MRPL32: variants seen among roughly 807,000 people sequenced by gnomAD.
MRPL32 encodes the protein large ribosomal subunit protein bL32m.
A neutral mutation model predicts 21.7 loss-of-function variants in MRPL32; 14 were observed. That is an observed-to-expected ratio of 0.64 (90% CI 0.43 to 1.01). The LOEUF (loss-of-function observed/expected upper bound fraction) is 1.01. Ranked by LOEUF, MRPL32 falls within the 50% of genes least tolerant of loss-of-function variation. MRPL32 has a pLI of 0.00. For missense variants in MRPL32, 211 were observed against 235.9 expected (o/e 0.89, Z 0.69); for synonymous variants, 83 against 87.7 (o/e 0.95, Z 0.30).
At chr7:42,935,316 C>T (rs1786407522) in intron 2 of MRPL32, 180 bp downstream of exon 2, 1 of 514,044 alleles carries the variant, frequency 1.9e-6, no homozygotes, top group East Asian at 3.3e-5. Context: ...AGCCTGCTGT[C>T]CTCTAGCCTG....
chr7:42,935,191 C>T (rs1786406079), intron 2 of MRPL32, 55 bp downstream of exon 2: 4 of 1,441,080 alleles, frequency 2.8e-6, no homozygotes, highest in South Asian at 2.5e-5. Context: ...ATTGAATAAG[C>T]TCATGGTAGA....
At position 42,937,539 on chromosome 7, in the gene MRPL32, G is replaced by A. The variant is rs764943989; in HGVS notation, c.530G>A (p.Arg177Gln). The change falls in exon 3 of 3, where the codon CGA becomes CAA. Residue 177 changes from arginine to glutamine, a missense_variant. By Grantham distance (43) the Arg-to-Gln change is conservative. Around this residue, in one of 2 missense-constraint regions of MRPL32, gnomAD observed 130 missense variants for 180.1 expected, o/e 0.72. Coordinates refer to ENST00000223324, the MANE Select transcript of MRPL32 (RefSeq NM_031903.3). ...EQDQGKRIIE[R>Q]DRKRPSWFTQ... is the part of the protein sequence containing the mutation. ...GATCAGGGCAAGAGGATCATTGAAC[G>A]AGACAGAAAGCGACCATCCTGGTTC... is the stretch of plus-strand genomic sequence containing the variant. 12 of 1,613,072 alleles carry A rather than the reference G, an allele frequency of 7.4e-6. No homozygotes were observed. The highest frequency in any genetic ancestry group is 3.3e-5 in the South Asian group (3 of 90,900).
At chr7:42,932,657 A>G in intron 1 of MRPL32, 141 bp downstream of exon 1, 1 of 855,716 alleles carries the variant, frequency 1.2e-6, no homozygotes, top group East Asian at 3.0e-5. Flanking sequence ...TGACATTCCC[A>G]TATTAGCGAG....
chr7:42,937,796 G>A lies in MRPL32; in HGVS notation c.*220G>A. The A allele has an allele frequency of 8.0e-6, 3 of 375,886 alleles. No individual in the cohort carries two copies. Among genetic ancestry groups the A allele is most frequent in the Non-Finnish European group, 1.4e-5 (3 of 213,754 alleles). 23.3% of individuals were successfully genotyped at this position (375,886 alleles called of 1,614,324 possible). A position where few individuals can be genotyped will look rare whatever the true frequency, so the allele number is the denominator to read the frequency against. ...TGGATTATGTTTCTATTATATACAA[G>A]GTTTTAAGTAAACATAAAATTTCCA... On this transcript the variant is annotated 3_prime_UTR_variant, in exon 3 of 3. Coordinates refer to ENST00000223324, the MANE Select transcript of MRPL32 (RefSeq NM_031903.3).
rs1324320902 is a variant in MRPL32, at chr7:42,937,781, T to G, written c.*205T>G. 1 of 454,360 alleles carries G rather than the reference T, an allele frequency of 2.2e-6. No homozygotes were observed. Among genetic ancestry groups the G allele is most frequent in the East Asian group, 3.4e-5 (1 of 29,324 alleles). 28.1% of individuals were successfully genotyped at this position (454,360 alleles called of 1,614,324 possible). A position where few individuals can be genotyped will look rare whatever the true frequency, so the allele number is the denominator to read the frequency against. On this transcript the variant is annotated 3_prime_UTR_variant, in exon 3 of 3. Transcript: ENST00000223324. ...TATCCAAAGGCTCAATGGATTATGT[T>G]TCTATTATATACAAGGTTTTAAGTA... is the stretch of plus-strand genomic sequence containing the variant.
intron 2 of MRPL32, chr7:42,935,720 G>A (rs1786412621): frequency 6.6e-6 from 1 of 152,040 alleles, no homozygotes; most frequent in Admixed American, 6.6e-5. Context: ...TTCATTATTA[G>A]GATGAAAAAA....
At chr7:42,935,202 T>C (rs1786406153) in intron 2 of MRPL32, 66 bp downstream of exon 2, 1 of 1,342,928 alleles carries the variant, frequency 7.4e-7, no homozygotes, top group Non-Finnish European at 1.0e-6. Context: ...TCATGGTAGA[T>C]TCCTATAGCC....
intron 1 of MRPL32, 105 bp from the exon 2 acceptor site, chr7:42,934,850 G>T (rs977678341): frequency 1.5e-5 from 11 of 730,184 alleles, no homozygotes; most frequent in South Asian, 3.4e-5. Context: ...TATAGTTTTT[G>T]TGTGTGTGTA....
chr7:42,936,599 A>G (rs1000596877), intron 2 of MRPL32: 4 of 151,342 alleles, frequency 2.6e-5, no homozygotes, highest in African/African-American at 9.7e-5. Context: ...TCAAACCTAC[A>G]TCTAGAATAA....
At position 42,932,379 on chromosome 7, in the gene MRPL32, C is replaced by A; in HGVS notation, c.-8C>A. 1 of 1,605,316 alleles carries A rather than the reference C, an allele frequency of 6.2e-7. No homozygotes were observed. Among genetic ancestry groups the A allele is most frequent in the Non-Finnish European group, 8.5e-7 (1 of 1,174,392 alleles). Reference sequence around the variant, plus strand: ...GGGCGGGACCGGGGCGGTCTTCCAGCAGGGAAAATGGCGCTGGCCATGCTG... The same window carrying A: ...GGGCGGGACCGGGGCGGTCTTCCAGAAGGGAAAATGGCGCTGGCCATGCTG... On this transcript the variant is annotated 5_prime_UTR_variant, in exon 1 of 3. Coordinates refer to ENST00000223324, the MANE Select transcript of MRPL32 (RefSeq NM_031903.3).
rs371676591 is a variant in MRPL32, at chr7:42,937,330, A to G, written c.321A>G (p.Ile107Met). 2.5e-6 allele frequency: 4 copies of G among 1,614,078 alleles called. No individual in the cohort carries two copies. In the African/African-American group the frequency reaches 5.3e-5, roughly 22 times the overall value. The change falls in exon 3 of 3, where the codon ATA becomes ATG. Residue 107 changes from isoleucine to methionine, a missense_variant. By Grantham distance (10) the Ile-to-Met change is conservative (BLOSUM62 1). This residue lies in a region of MRPL32 where 130 missense variants were observed against 180.1 expected (regional missense o/e 0.72). Transcript: ENST00000223324. ...TGTTTATTGTTTTAAAGAACAACATAGACGTTTGTCCTGAATGTGGTCACC... is the reference window on the plus strand; with the variant it reads ...TGTTTATTGTTTTAAAGAACAACATGGACGTTTGTCCTGAATGTGGTCACC... ...PQKLIKVKNN[I>M]DVCPECGHLK...
At chr7:42,933,870 T>A (rs147523785) in intron 1 of MRPL32, among the ~76,000 whole-genome samples, 179 of 152,364 alleles carry the variant, frequency 1.2e-3, no homozygotes, top group African/African-American at 4.2e-3. Context: ...CCTGTGTTGT[T>A]AATCACCGGG....
At position 42,937,432 on chromosome 7, in the gene MRPL32, A is replaced by T; in HGVS notation, c.423A>T (p.Ile141=). The change falls in exon 3 of 3, where the codon ATA becomes ATT. Residue 141 remains isoleucine, a synonymous_variant. Transcript: ENST00000223324. The part of the protein sequence containing the change: ...CKETAEIRRQ[I]GKQEGGPFKA... The stretch of plus-strand genomic sequence containing the variant: ...AGACTGCAGAAATCAGACGACAGAT[A>T]GGGAAGCAAGAAGGGGGCCCTTTTA... 6.2e-7 allele frequency: 1 copy of T among 1,614,210 alleles called. No homozygotes were observed. The highest frequency in any genetic ancestry group is 8.5e-7 in the Non-Finnish European group (1 of 1,180,036).
At chr7:42,932,701 CA>C (rs148378814) in intron 1 of MRPL32, among the ~76,000 whole-genome samples, 185 bp downstream of exon 1, 20,461 of 134,282 alleles carry the variant, frequency 0.15, 1,494 homozygotes, top group African/African-American at 0.19. Flanking sequence ...CCCTCCACCG[CA>C]AAAAAAAAAA....
intron 2 of MRPL32, 187 bp from the exon 3 acceptor site, chr7:42,937,135 A>G: frequency 1.4e-6 from 2 of 1,448,294 alleles, no homozygotes; most frequent in Non-Finnish European, 1.9e-6. Context: ...GTTTTTCTCT[A>G]ATTCAAACTC....
intron 1 of MRPL32, among the ~76,000 whole-genome samples, chr7:42,933,598 A>T (rs1423749283): frequency 6.6e-6 from 1 of 151,864 alleles, no homozygotes; most frequent in Non-Finnish European, 1.5e-5. Flanking sequence ...TTTCACTTGG[A>T]ATTAATTTTA....
At chr7:42,933,122 C>T (rs1432060296) in intron 1 of MRPL32, among the ~76,000 whole-genome samples, 1 of 152,118 alleles carries the variant, frequency 6.6e-6, no homozygotes, top group East Asian at 1.9e-4. Context: ...GAGTTAGTTG[C>T]AAGGGATACG....
rs769978247 is a variant in MRPL32, at chr7:42,934,967, C to T, written c.143C>T (p.Ala48Val). The change falls in exon 2 of 3, where the codon GCA becomes GTA. Residue 48 changes from alanine to valine, a missense_variant. This residue lies in a region of MRPL32 where 130 missense variants were observed against 180.1 expected (regional missense o/e 0.72). Coordinates refer to ENST00000223324, the MANE Select transcript of MRPL32 (RefSeq NM_031903.3). Reference protein sequence around the residue: ...FPSPPWGPALAVQGPAMFTEP... With the variant: ...FPSPPWGPALVVQGPAMFTEP... The stretch of plus-strand genomic sequence containing the variant: ...TTTTATTTCCTAGGACCAGCATTAG[C>T]AGTACAGGGCCCAGCCATGTTTACA... The T allele has an allele frequency of 7.5e-6, 12 of 1,590,470 alleles. 1 individual carries two copies. In the South Asian group the frequency reaches 1.3e-4, roughly 17 times the overall value.
intron 2 of MRPL32, 131 bp from the exon 3 acceptor site, chr7:42,937,191 G>A: frequency 6.3e-7 from 1 of 1,575,194 alleles, no homozygotes; most frequent in Non-Finnish European, 8.6e-7. Flanking sequence ...GGTGGAACTA[G>A]ATGGTGTATG....
Sources: gnomAD v4.1 joint callset for allele counts (sites outside exome capture counted in the v4.1 genomes callset) on GRCh38, gnomAD v4.1.1 for gene constraint, gnomAD v4.1.1 regional missense constraint, MANE v1.5 for transcripts, NCBI Gene and HGNC (gene_info 2026-07-23, HGNC 2026-07-21) for gene names.